Variants in NUMA1 observed in about 807,000 individuals in gnomAD.
NUMA1 encodes the protein nuclear mitotic apparatus protein 1.
NUMA1 carries 62 observed loss-of-function variants against 237.1 expected under a neutral mutation model. That is an observed-to-expected ratio of 0.26 (90% CI 0.21 to 0.32). The LOEUF (loss-of-function observed/expected upper bound fraction) is 0.32. Among genes scored for constraint, NUMA1 ranks in the 10% least tolerant of loss-of-function variants. NUMA1 has a pLI of 1.00. For synonymous variants in NUMA1, 1,028 were observed against 1,066.1 expected (o/e 0.96, Z 0.70); for missense variants, 2,533 against 2,666.5 (o/e 0.95, Z 1.10).
chr11:72,036,104 C>T (rs916865365), intron 2 of NUMA1, 129 bp from the exon 3 acceptor site: 5 of 682,160 alleles, frequency 7.3e-6, no homozygotes, highest in East Asian at 2.7e-5. Context: ...CACCAAGACA[C>T]CATGGGAATT....
intron 2 of NUMA1, chr11:72,040,520 GCCC>G (rs1941554689): frequency 7.2e-6 from 1 of 139,440 alleles, no homozygotes; most frequent in Non-Finnish European, 1.5e-5. Flanking sequence ...ACTGACCTGG[GCCC>G]CCCACCACTA....
intron 3 of NUMA1, among the ~76,000 whole-genome samples, chr11:72,030,933 TTTATC>T (rs1202972635): frequency 6.6e-6 from 1 of 152,192 alleles, no homozygotes; most frequent in Non-Finnish European, 1.5e-5. Flanking sequence ...GAATCCCTAC[TTTATC>T]TACTTCAAAG....
chr11:72,006,002 T>C, intron 22 of NUMA1, 33 bp downstream of exon 22: 2 of 1,509,566 alleles, frequency 1.3e-6, no homozygotes, highest in South Asian at 2.4e-5. Flanking sequence ...CAGTCTAATT[T>C]TGGGGTATAG....
At chr11:72,018,004 G>T in intron 12 of NUMA1, 177 bp from the exon 13 acceptor site, 1 of 983,306 alleles carries the variant, frequency 1.0e-6, no homozygotes, top group Non-Finnish European at 1.5e-6. Context: ...TAGGGTCACA[G>T]CCCAGTACCC....
At chr11:72,004,910 T>A in intron 23 of NUMA1, 94 bp from the exon 24 acceptor site, 1 of 1,257,876 alleles carries the variant, frequency 7.9e-7, no homozygotes, top group Non-Finnish European at 1.1e-6. Context: ...CGCCCGACAC[T>A]TATGGTCGGG....
At chr11:72,003,593 C>T (rs1955417075) in intron 26 of NUMA1, 55 bp from the exon 27 acceptor site, 2 of 1,605,046 alleles carry the variant, frequency 1.2e-6, no homozygotes, top group Admixed American at 3.3e-5. Flanking sequence ...TAGCCTGCAC[C>T]CACTGGCTGG....
rs745974398 is a variant in NUMA1 at position 72,014,850 on chromosome 11, G to C, written c.2653C>G (p.Leu885Val). Residue 885 changes from leucine to valine, a missense_variant, in exon 15 of 27, where the codon CTC becomes GTC. By Grantham distance (32) the Leu-to-Val change is conservative. Coordinates refer to ENST00000393695, the MANE Select transcript of NUMA1 (RefSeq NM_006185.4). The surrounding 1 kb of genome is among the most constrained non-coding windows in gnomAD (Gnocchi z 4.6). The part of the protein sequence containing the change: ...AELHANLARA[L>V]QQVQEKEVRA... Reference sequence around the variant, plus strand: ...ACTTCCTTCTCTTGGACCTGCTGGAGTGCTCTGGCCAGGTTGGCATGGAGC... The same window carrying C: ...ACTTCCTTCTCTTGGACCTGCTGGACTGCTCTGGCCAGGTTGGCATGGAGC... 4.3e-6 allele frequency: 7 copies of C among 1,614,102 alleles called. No individual in the cohort carries two copies. The highest frequency in any genetic ancestry group is 5.9e-6 in the Non-Finnish European group (7 of 1,180,046).
In NUMA1 at chr11:72,014,607, C is replaced by T. The variant is rs1200020232; in HGVS notation, c.2896G>A (p.Ala966Thr). The change falls in exon 15 of 27, where the codon GCG becomes ACG. Residue 966 changes from alanine to threonine, a missense_variant. Ala to Thr is a moderately conservative substitution (Grantham distance 58, BLOSUM62 0). Transcript: ENST00000393695. The surrounding 1 kb of genome is among the most constrained non-coding windows in gnomAD (Gnocchi z 4.6). ...GCCTCCCGCTCCATAGCCTGCAGCG[C>T]TGCCTGTGTGCTGCAGAACTGGCGT... is the stretch of plus-strand genomic sequence containing the variant. ...QGRQFCSTQA[A>T]LQAMEREAEQ... The T allele has an allele frequency of 6.2e-7, 1 of 1,607,712 alleles. No individual in the cohort carries two copies. Among genetic ancestry groups the T allele is most frequent in the Non-Finnish European group, 8.5e-7 (1 of 1,180,004 alleles).
intron 1 of NUMA1, among the ~76,000 whole-genome samples, chr11:72,073,553 T>C (rs1943564666): frequency 6.6e-6 from 1 of 152,172 alleles, no homozygotes; most frequent in African/African-American, 2.4e-5. Context: ...GAGGAAGAAC[T>C]ACACACTTTT....
chr11:72,012,787 A>C, intron 15 of NUMA1, 108 bp downstream of exon 15: 1 of 1,454,624 alleles, frequency 6.9e-7, no homozygotes, highest in African/African-American at 1.4e-5. Context: ...GAATGAGGAA[A>C]GGCAAGACAC....
In NUMA1 at chr11:72,019,570, G is replaced by A. The variant is rs758090595; in HGVS notation, c.508C>T (p.Pro170Ser). The change falls in exon 9 of 27, where the codon CCA (proline) becomes TCA (serine). Residue 170 changes from proline to serine, a missense_variant. Pro to Ser is a moderately conservative substitution (Grantham distance 74, BLOSUM62 -1). Transcript: ENST00000393695. ...CSSTFPEELS[P>S]PSHQAKREIR... ...TCCCTCTTGGCCTGGTGGCTAGGTG[G>A]GGAGAGCTCTTCAGGGAATGTGCTA... is the stretch of plus-strand genomic sequence containing the variant. 2.1e-5 allele frequency: 34 copies of A among 1,613,884 alleles called. No individual in the cohort carries two copies. In the South Asian group the frequency reaches 3.6e-4, roughly 17 times the overall value.
rs770651855 is a variant in NUMA1 at position 72,003,971 on chromosome 11, G to T, written c.6252C>A (p.Thr2084=). The change falls in exon 26 of 27, where the codon ACC becomes ACA. Residue 2084 remains threonine, a synonymous_variant. Coordinates refer to ENST00000393695, the MANE Select transcript of NUMA1 (RefSeq NM_006185.4). The stretch of plus-strand genomic sequence containing the variant: ...TGGTGGCAATGCGCGGAGAACGGCG[G>T]GTTCCACTGCGAGTGTTGGGGGAAG... ...SKASPNTRSG[T]RRSPRIATTT... The T allele has an allele frequency of 6.2e-7, 1 of 1,613,354 alleles. No individual in the cohort carries two copies. Among genetic ancestry groups the T allele is most frequent in the Non-Finnish European group, 8.5e-7 (1 of 1,179,654 alleles).
intron 7 of NUMA1, 190 bp downstream of exon 7, chr11:72,022,149 G>A (rs887745073): frequency 4.0e-6 from 2 of 505,602 alleles, no homozygotes; most frequent in Non-Finnish European, 7.0e-6. Flanking sequence ...CTCTGGGAAT[G>A]AGTTTATCGG....
Position 72,007,266 on chromosome 11 carries a change from C to T in NUMA1, c.5386G>A (p.Val1796Ile), listed in dbSNP as rs945889842. The change falls in exon 21 of 27, where the codon GTC becomes ATC. Residue 1796 changes from valine to isoleucine, a missense_variant. Coordinates refer to ENST00000393695, the MANE Select transcript of NUMA1 (RefSeq NM_006185.4). ...GTCTTACGACCCGAGTCCAGGAAGA[C>T]GTCTCCCAGGGAGTCCAGGCTGCTC... ...LESSLDSLGD[V>I]FLDSGRKTRS... 7.4e-6 allele frequency: 12 copies of T among 1,612,842 alleles called. No individual in the cohort carries two copies. The highest frequency in any genetic ancestry group is 2.2e-5 in the East Asian group (1 of 44,806).
Position 72,013,834 on chromosome 11 carries a change from T to A in NUMA1, c.3669A>T (p.Lys1223Asn). 1.2e-6 allele frequency: 2 copies of A among 1,612,648 alleles called. No individual in the cohort carries two copies. The highest frequency in any genetic ancestry group is 2.2e-5 in the South Asian group (2 of 91,092). ...VARGRQEAER[K>N]NSLISSLEEE... ...CCTCCAAGCTGCTGATGAGGCTATT[T>A]TTCCTCTCAGCCTCTTGCCGGCCCC... Residue 1223 changes from lysine (K) to asparagine (N), a missense_variant, in exon 15 of 27, where the codon AAA (lysine) becomes AAT (asparagine). Transcript: ENST00000393695. The surrounding 1 kb of genome is among the most constrained non-coding windows in gnomAD (Gnocchi z 6.8).
At position 72,008,862 on chromosome 11, in the gene NUMA1, CA is replaced by C. The variant is rs762407078; in HGVS notation, c.5059-18del. On this transcript the variant is annotated intron_variant, in intron 19 of 26. Coordinates refer to ENST00000393695, the MANE Select transcript of NUMA1 (RefSeq NM_006185.4). ...ATGGGCAACCTGAGAAGGAGAGGGC[CA>C]GGGGGAGAGTGAAGAAAAGCCTAAG... 37 of 1,613,744 alleles carry C rather than the reference CA, an allele frequency of 2.3e-5. No homozygotes were observed. Among genetic ancestry groups the C allele is most frequent in the Admixed American group, 1.0e-4 (6 of 59,992 alleles).
intron 8 of NUMA1, 98 bp downstream of exon 8, chr11:72,021,106 G>C: frequency 2.1e-6 from 2 of 951,094 alleles, no homozygotes; most frequent in Non-Finnish European, 3.4e-6. Flanking sequence ...GCCTTGTGTT[G>C]GGGACAGAAA....
Position 72,004,332 on chromosome 11 carries a change from C to T in NUMA1, c.6016G>A (p.Ala2006Thr). Reference protein sequence around the residue: ...QGPGTPESKKATSCFPRPMTP... With the variant: ...QGPGTPESKKTTSCFPRPMTP... ...ATGGGGCGTGGGAAACAGCTGGTGG[C>T]CTTCTTAGACTATGGAGAAGAGGAC... The change falls in exon 25 of 27, where the codon GCC becomes ACC. Residue 2006 changes from alanine (A) to threonine (T), a missense_variant. This residue lies in a region of NUMA1 where 795 missense variants were observed against 750.8 expected (regional missense o/e 1.06). Transcript: ENST00000393695. The T allele has an allele frequency of 3.1e-6, 5 of 1,612,318 alleles. No homozygotes were observed. The highest frequency in any genetic ancestry group is 4.2e-6 in the Non-Finnish European group (5 of 1,179,558).
intron 17 of NUMA1, among the ~76,000 whole-genome samples, chr11:72,009,969 TC>T (rs1956035812): frequency 6.6e-6 from 1 of 152,140 alleles, no homozygotes; most frequent in Non-Finnish European, 1.5e-5. Flanking sequence ...AGACCATAAC[TC>T]CTTAAGAGCA....
Sources: gnomAD v4.1 joint callset for allele counts (sites outside exome capture counted in the v4.1 genomes callset) on GRCh38, gnomAD v4.1.1 for gene constraint, gnomAD v4.1.1 regional missense constraint, Gnocchi (gnomAD v3.1) non-coding constraint, MANE v1.5 for transcripts, NCBI Gene and HGNC (gene_info 2026-07-23, HGNC 2026-07-21) for gene names.